NR2F1-AS1: variants seen among roughly 807,000 people sequenced by gnomAD.
The protein encoded by NR2F1-AS1 is NR2F1 antisense RNA 1.
chr5:93,552,173 G>A (rs1752245120), intron 4 of NR2F1-AS1, among the ~76,000 whole-genome samples: 1 of 152,106 alleles, frequency 6.6e-6, no homozygotes, highest in Non-Finnish European at 1.5e-5. Flanking sequence ...GTAAGAAGAA[G>A]ACATAAGTAA....
chr5:93,569,104 A>G (rs1051763810), intron 1 of NR2F1-AS1, among the ~76,000 whole-genome samples: 4 of 152,156 alleles, frequency 2.6e-5, no homozygotes, highest in Non-Finnish European at 5.9e-5. Context: ...GGTTTGAGGT[A>G]CACACGCACC....
chr5:93,562,195 AAAAAGAAAAG>A (rs1554072352), intron 2 of NR2F1-AS1, among the ~76,000 whole-genome samples: 1,440 of 136,588 alleles, frequency 0.011, 23 homozygotes, highest in African/African-American at 0.033. Context: ...AAAAAAAAAA[AAAAAGAAAAG>A]AAAAGAAAAG....
intron 4 of NR2F1-AS1, among the ~76,000 whole-genome samples, chr5:93,442,757 G>A (rs1749601215): frequency 1.3e-5 from 2 of 152,210 alleles, no homozygotes; most frequent in East Asian, 3.9e-4. Context: ...GTGGGTCCCT[G>A]ACCCCTGAGT....
chr5:93,434,159 T>C (rs955902830), intron 4 of NR2F1-AS1, among the ~76,000 whole-genome samples: 13 of 152,092 alleles, frequency 8.5e-5, no homozygotes, highest in African/African-American at 3.1e-4. Context: ...ACTATTGGCT[T>C]TTGCCTTTTT....
chr5:93,451,095 T>A (rs930199232), intron 4 of NR2F1-AS1, among the ~76,000 whole-genome samples: 1 of 151,998 alleles, frequency 6.6e-6, no homozygotes, highest in East Asian at 1.9e-4. Context: ...TTTACTATCA[T>A]CCACCTGCCA....
intron 4 of NR2F1-AS1, among the ~76,000 whole-genome samples, chr5:93,423,840 A>G (rs1179309198): frequency 6.6e-6 from 1 of 152,062 alleles, no homozygotes; most frequent in Non-Finnish European, 1.5e-5. Context: ...ACTGTGGCTC[A>G]CCCCTCCATC....
rs922052942 is a variant in NR2F1-AS1 at position 93,547,149 on chromosome 5, GTATGTATATGCATATGCA to G, written n.638+6594_638+6611del. The stretch of plus-strand genomic sequence containing the variant: ...CATATATGTGTGTGCGTGGGTGTGT[GTATGTATATGCATATGCA>G]TATGTATATGCATATATATGTATTT... On this transcript the variant is annotated intron_variant and non_coding_transcript_variant, in intron 4 of 5. Coordinates refer to ENST00000660523, the Ensembl canonical transcript of NR2F1-AS1. Among the ~76,000 whole-genome samples, 22 of 152,184 alleles carry G rather than the reference GTATGTATATGCATATGCA, an allele frequency of 1.4e-4. 1 individual carries two copies. The East Asian group carries it at 2.3e-3, about 16-fold the overall frequency.
intron 4 of NR2F1-AS1, among the ~76,000 whole-genome samples, chr5:93,503,253 A>C (rs1196147614): frequency 6.6e-6 from 1 of 152,214 alleles, no homozygotes; most frequent in Non-Finnish European, 1.5e-5. Context: ...TATAAATTCT[A>C]AGTGGGATAT....
At chr5:93,466,924 G>A (rs1442450619) in intron 4 of NR2F1-AS1, among the ~76,000 whole-genome samples, 1 of 121,792 alleles carries the variant, frequency 8.2e-6, no homozygotes, top group Non-Finnish European at 1.7e-5. Flanking sequence ...GGGGGTGGAC[G>A]GAGTCTCACT....
chr5:93,582,773 T>TGC (rs141329482), upstream of NR2F1-AS1, among the ~76,000 whole-genome samples: 2 of 150,504 alleles, frequency 1.3e-5, no homozygotes, highest in Non-Finnish European at 3.0e-5. Flanking sequence ...TGAGCGTAAG[T>TGC]GTGTGTGTGT....
chr5:93,476,378 AT>A (rs1291719584), intron 4 of NR2F1-AS1, among the ~76,000 whole-genome samples: 1 of 152,122 alleles, frequency 6.6e-6, no homozygotes, highest in African/African-American at 2.4e-5. Flanking sequence ...AAGAGTCTAC[AT>A]TTGTATTATA....
chr5:93,513,140 G>T (rs1429471942), intron 4 of NR2F1-AS1, among the ~76,000 whole-genome samples: 2 of 151,990 alleles, frequency 1.3e-5, no homozygotes, highest in African/African-American at 2.4e-5. Flanking sequence ...TCAGAATGGC[G>T]ATTATTGAAG....
intron 4 of NR2F1-AS1, among the ~76,000 whole-genome samples, chr5:93,425,775 C>T (rs976023418): frequency 6.6e-6 from 1 of 152,044 alleles, no homozygotes; most frequent in Non-Finnish European, 1.5e-5. Context: ...CCTTGCATTG[C>T]CTCTATTATA....
At chr5:93,453,204 A>G (rs976062527) in intron 4 of NR2F1-AS1, among the ~76,000 whole-genome samples, 21 of 152,220 alleles carry the variant, frequency 1.4e-4, no homozygotes, top group African/African-American at 5.1e-4. Flanking sequence ...ACAACAGAAT[A>G]AAAGTGGCAG....
intron 1 of NR2F1-AS1, among the ~76,000 whole-genome samples, chr5:93,566,715 T>C (rs559865626): frequency 1.3e-5 from 2 of 152,146 alleles, no homozygotes; most frequent in East Asian, 3.9e-4. Flanking sequence ...ACAGTCTATA[T>C]TCTCAGTCTA....
chr5:93,490,546 G>C, intron 4 of NR2F1-AS1, among the ~76,000 whole-genome samples: 1 of 151,348 alleles, frequency 6.6e-6, no homozygotes, highest in African/African-American at 2.4e-5. Context: ...TGGCAGTGGT[G>C]GTGGTGGTCA....
chr5:93,466,904 T>TGGTG (rs1750245086), intron 4 of NR2F1-AS1, among the ~76,000 whole-genome samples: 1 of 15,530 alleles, frequency 6.4e-5, no homozygotes, highest in Non-Finnish European at 1.7e-4. Context: ...ATCCCTTTTT[T>TGGTG]GGGGGGGGGG....
At chr5:93,556,553 C>A (rs1437664157) in intron 2 of NR2F1-AS1, among the ~76,000 whole-genome samples, 2 of 152,160 alleles carry the variant, frequency 1.3e-5, no homozygotes, top group East Asian at 3.8e-4. Flanking sequence ...GAGACAGGAT[C>A]TTTGCAAATA....
chr5:93,413,063 GGTGTGTGTGTGT>G lies in NR2F1-AS1; in HGVS notation n.639-17533_639-17522del, dbSNP rs71613591. ...CAGCCTAGACAAATTATAGCACTAT[GGTGTGTGTGTGT>G]GTGTGTGTGTGTGTGTGTGTGTGTG... On this transcript the variant is annotated intron_variant and non_coding_transcript_variant, in intron 4 of 5. Transcript: ENST00000660523. Among the ~76,000 whole-genome samples the G allele has an allele frequency of 3.0e-3, 414 of 139,258 alleles. 2 individuals carry two copies. The highest frequency in any genetic ancestry group is 9.0e-3 in the African/African-American group (340 of 37,574). The allele number at this position is 139,258 out of a possible 152,430, so 91.4% of individuals were successfully genotyped here. A position where few individuals can be genotyped will look rare whatever the true frequency, so the allele number is the denominator to read the frequency against.
Sources: allele counts gnomAD v4.1 joint callset (sites outside exome capture counted in the v4.1 genomes callset), GRCh38; gene constraint gnomAD v4.1.1; transcripts MANE v1.5; gene names NCBI Gene and HGNC (gene_info 2026-07-23, HGNC 2026-07-21).